Variants in VAV3 observed in about 807,000 individuals in gnomAD.
VAV3 encodes vav guanine nucleotide exchange factor 3.
In VAV3, 94 loss-of-function variants were observed where a neutral mutation model predicts 131.2. The ratio of observed to expected loss-of-function variants is 0.72; its 90% CI spans 0.61 to 0.85. The LOEUF (loss-of-function observed/expected upper bound fraction) is 0.85. Among genes scored for constraint, VAV3 ranks in the 40% least tolerant of loss-of-function variants. The pLI, the probability that VAV3 is intolerant of heterozygous loss-of-function variation, is 0.00. For missense variants in VAV3, 939 were observed against 1,002.7 expected (o/e 0.94, Z 0.86); for synonymous variants, 349 against 342.0 (o/e 1.02, Z -0.22).
rs1032438723 is a variant in VAV3 at position 107,571,429 on chromosome 1, T to C, written c.*1902A>G. The C allele has an allele frequency of 1.3e-5, 2 of 152,594 alleles. No individual in the cohort carries two copies. Among genetic ancestry groups the C allele is most frequent in the African/African-American group, 4.8e-5 (2 of 41,426 alleles). 9.5% of individuals were successfully genotyped at this position (152,594 alleles called of 1,614,324 possible). A position where few individuals can be genotyped will look rare whatever the true frequency, so the allele number is the denominator to read the frequency against. The stretch of plus-strand genomic sequence containing the variant: ...CTCTGCTAGGAAACCCCCAGGCCCA[T>C]GAAATGCAACAGGAAGACTAAACAC... On this transcript the variant is annotated 3_prime_UTR_variant, in exon 27 of 27. Transcript: ENST00000370056.
At chr1:107,585,267 T>C (rs1163775573) in intron 25 of VAV3, among the ~76,000 whole-genome samples, 2 of 152,222 alleles carry the variant, frequency 1.3e-5, no homozygotes, top group Non-Finnish European at 2.9e-5. Flanking sequence ...CCTATATGGC[T>C]ACGTGCTGTT....
chr1:107,719,233 T>C (rs1339910946), intron 15 of VAV3, among the ~76,000 whole-genome samples: 1 of 152,194 alleles, frequency 6.6e-6, no homozygotes, highest in Non-Finnish European at 1.5e-5. Context: ...AAAGAGCTTC[T>C]GCACGGCAAA....
intron 12 of VAV3, among the ~76,000 whole-genome samples, chr1:107,753,549 T>TATATGTATATATATATACACACACAC (rs771773884): frequency 1.2e-5 from 1 of 82,056 alleles, no homozygotes; most frequent in Middle Eastern, 5.8e-3. Flanking sequence ...TATATATATA[T>TATATGTATATATATATACACACACAC]ACACACACAC....
At chr1:107,789,786 C>G (rs542842409) in intron 2 of VAV3, among the ~76,000 whole-genome samples, 1 of 152,076 alleles carries the variant, frequency 6.6e-6, no homozygotes, top group Admixed American at 6.5e-5. Context: ...TTCAAGATAC[C>G]TAGAATATTA....
At chr1:107,796,071 TC>T (rs1666523766) in intron 2 of VAV3, among the ~76,000 whole-genome samples, 1 of 152,096 alleles carries the variant, frequency 6.6e-6, no homozygotes, top group Admixed American at 6.5e-5. Context: ...TTTTTTTTTT[TC>T]AGGTCACATG....
chr1:107,874,929 T>C lies in VAV3; in HGVS notation c.293A>G (p.Asp98Gly), dbSNP rs1405207669. 1 of 1,613,300 alleles carries C rather than the reference T, an allele frequency of 6.2e-7. No individual in the cohort carries two copies. Residue 98 changes from aspartate to glycine, a missense_variant, in exon 2 of 27, where the codon GAC becomes GGC. By Grantham distance (94) the Asp-to-Gly change is moderately conservative (BLOSUM62 -1). Coordinates refer to ENST00000370056, the MANE Select transcript of VAV3 (RefSeq NM_006113.5). ...TCCAAAGTCACGAACATCAAACAAG[T>C]CAAATGCCTCGAAAAGTTCACTTTT... The part of the protein sequence containing the change: ...MRKSELFEAF[D>G]LFDVRDFGKV...
intron 15 of VAV3, among the ~76,000 whole-genome samples, chr1:107,711,606 T>C (rs1169400372): frequency 6.6e-6 from 1 of 152,208 alleles, no homozygotes; most frequent in African/African-American, 2.4e-5. Context: ...AGTTTCTGCA[T>C]GAAAATGTCT....
chr1:107,825,900 A>G lies in VAV3; in HGVS notation c.322-46408T>C, dbSNP rs536220181. Among the ~76,000 whole-genome samples the G allele has an allele frequency of 6.6e-5, 10 of 152,286 alleles. No homozygotes were observed. The South Asian group carries it at 2.1e-3, about 32-fold the overall frequency. ...TACTGCCTTACAATGTTGTAAATTTATCTACACATTTACTATATTGTAAAT... is the reference window on the plus strand; with the variant it reads ...TACTGCCTTACAATGTTGTAAATTTGTCTACACATTTACTATATTGTAAAT... On this transcript the variant is annotated intron_variant, in intron 2 of 26. Transcript: ENST00000370056.
chr1:107,595,659 T>A (rs1307257698), intron 25 of VAV3, among the ~76,000 whole-genome samples: 1 of 152,194 alleles, frequency 6.6e-6, no homozygotes, highest in Non-Finnish European at 1.5e-5. Context: ...CATGCTTTTG[T>A]TTGCATGCTA....
chr1:107,896,358 G>C (rs1159359304), intron 1 of VAV3, among the ~76,000 whole-genome samples: 1 of 149,792 alleles, frequency 6.7e-6, no homozygotes, highest in African/African-American at 2.5e-5. Context: ...CTTCCAATCA[G>C]GATCATCACT....
At chr1:107,895,521 A>T (rs2101071872) in intron 1 of VAV3, among the ~76,000 whole-genome samples, 1 of 152,326 alleles carries the variant, frequency 6.6e-6, no homozygotes, top group South Asian at 2.1e-4. Flanking sequence ...GATGTTAAAT[A>T]GTTGCCCAAT....
rs34225175 is a variant in VAV3 at position 107,901,467 on chromosome 1, G to A, written c.205-26450C>T. 9.9e-3 allele frequency among the ~76,000 whole-genome samples: 1,506 copies of A among 152,250 alleles called. 11 individuals are homozygous for A. Among genetic ancestry groups the A allele is most frequent in the Non-Finnish European group, 0.016 (1,107 of 68,014 alleles). ...TTTAATGGTGTATCTTTGTGAAGCT[G>A]GATATTCAGCAGATGCAGTGGTTAA... is the stretch of plus-strand genomic sequence containing the variant. On this transcript the variant is annotated intron_variant, in intron 1 of 26. Coordinates refer to ENST00000370056, the MANE Select transcript of VAV3 (RefSeq NM_006113.5).
At chr1:107,635,526 G>C (rs1223954735) in intron 20 of VAV3, among the ~76,000 whole-genome samples, 1 of 151,710 alleles carries the variant, frequency 6.6e-6, no homozygotes, top group Non-Finnish European at 1.5e-5. Flanking sequence ...TGTTAAATGA[G>C]AAGTTAATGG....
At chr1:107,624,373 ACTGTGTGTGT>A (rs1653842106) in intron 20 of VAV3, among the ~76,000 whole-genome samples, 1 of 67,780 alleles carries the variant, frequency 1.5e-5, no homozygotes, top group African/African-American at 5.0e-5. Flanking sequence ...TAGTCTTATG[ACTGTGTGTGT>A]GTGTGTGTGT....
intron 1 of VAV3, among the ~76,000 whole-genome samples, chr1:107,940,888 G>A (rs1247014478): frequency 6.6e-6 from 1 of 152,026 alleles, no homozygotes; most frequent in African/African-American, 2.4e-5. Context: ...GGAGATGGAT[G>A]GTGGTGATGA....
At chr1:107,599,454 A>T (rs1463845691) in intron 24 of VAV3, among the ~76,000 whole-genome samples, 1 of 152,194 alleles carries the variant, frequency 6.6e-6, no homozygotes, top group Non-Finnish European at 1.5e-5. Context: ...CAAGTCTCTC[A>T]AAAATAATGA....
chr1:107,875,200 C>G (rs1383806472), intron 1 of VAV3, among the ~76,000 whole-genome samples, 183 bp from the exon 2 acceptor site: 1 of 152,192 alleles, frequency 6.6e-6, no homozygotes, highest in East Asian at 1.9e-4. Context: ...ACAGGTGATA[C>G]AGCTGTGACC....
chr1:107,923,379 T>C (rs1053615020), intron 1 of VAV3, among the ~76,000 whole-genome samples: 2 of 152,094 alleles, frequency 1.3e-5, no homozygotes, highest in Admixed American at 6.5e-5. Flanking sequence ...GGTGATGGTA[T>C]TAGGAAATGA....
At chr1:107,679,064 A>G (rs1204537211) in intron 19 of VAV3, among the ~76,000 whole-genome samples, 4 of 152,150 alleles carry the variant, frequency 2.6e-5, no homozygotes, top group African/African-American at 9.6e-5. Flanking sequence ...CCTGTGCTTA[A>G]TGTCAGATAA....
Sources: allele counts gnomAD v4.1 joint callset (sites outside exome capture counted in the v4.1 genomes callset), GRCh38; gene constraint gnomAD v4.1.1; transcripts MANE v1.5; gene names NCBI Gene and HGNC (gene_info 2026-07-23, HGNC 2026-07-21).